Variants in PFKP observed in about 807,000 individuals in gnomAD.
PFKP encodes the protein phosphofructokinase, platelet.
PFKP carries 101 observed loss-of-function variants against 94.3 expected under a neutral mutation model. The observed-to-expected ratio is 1.07, with a 90% CI of 0.91 to 1.26. The LOEUF (loss-of-function observed/expected upper bound fraction) is 1.26. Among genes scored for constraint, PFKP ranks in the 50% most tolerant of loss-of-function variants. The pLI, the probability that PFKP is intolerant of heterozygous loss-of-function variation, is 0.00. For synonymous variants in PFKP, 573 were observed against 432.6 expected (o/e 1.32, Z -4.03); for missense variants, 1,145 against 1,103.3 (o/e 1.04, Z -0.53).
chr10:3,134,982 A>G (rs754522011), intron 20 of PFKP, among the ~76,000 whole-genome samples: 2 of 151,148 alleles, frequency 1.3e-5, no homozygotes, highest in Non-Finnish European at 2.9e-5. Context: ...CTGACTGCTG[A>G]ATGAATTGTT....
chr10:3,122,916 A>G (rs1837571246), intron 16 of PFKP, among the ~76,000 whole-genome samples: 1 of 152,216 alleles, frequency 6.6e-6, no homozygotes, highest in South Asian at 2.1e-4. Flanking sequence ...AACGTCCCTC[A>G]GAGCACAGGG....
chr10:3,100,912 T>A (rs765641794), intron 3 of PFKP: 1 of 1,580,660 alleles, frequency 6.3e-7, no homozygotes, highest in Admixed American at 1.7e-5. Flanking sequence ...CTGCTGGTTT[T>A]ACTTGCAGGT....
rs1836475910 is a variant in PFKP at position 3,113,531 on chromosome 10, G to A, written c.1371+13G>A. 1.9e-6 allele frequency: 3 copies of A among 1,609,592 alleles called. No individual in the cohort carries two copies. The highest frequency in any genetic ancestry group is 1.7e-6 in the Non-Finnish European group (2 of 1,179,474). On this transcript the variant is annotated intron_variant, in intron 13 of 21. Transcript: ENST00000381125. ...CGCCAAGGGCCAGGTGAGTCACCCA[G>A]GATGCCGTAGGCAGGCAGACACCCT...
At chr10:3,128,002 C>T (rs11251734) in intron 16 of PFKP, among the ~76,000 whole-genome samples, 56,039 of 146,612 alleles carry the variant, frequency 0.38, 11,082 homozygotes, top group Non-Finnish European at 0.47. Context: ...CACGTGGCTC[C>T]TAGTCTCAAG....
chr10:3,090,905 G>C lies in PFKP; in HGVS notation c.187-8370G>C, dbSNP rs186859305. ...CACCTATACTCTAGTTTCTAACCTA[G>C]AGCTCTCTGGGTTACCAACAGACCA... On this transcript the variant is annotated intron_variant, in intron 2 of 21. Coordinates refer to ENST00000381125, the MANE Select transcript of PFKP (RefSeq NM_002627.5). Among the ~76,000 whole-genome samples the C allele has an allele frequency of 5.3e-4, 80 of 152,014 alleles. 1 individual carries two copies. The East Asian group carries it at 0.011, about 22-fold the overall frequency.
intron 2 of PFKP, among the ~76,000 whole-genome samples, chr10:3,091,845 G>A (rs934033674): frequency 1.3e-5 from 2 of 152,168 alleles, no homozygotes; most frequent in African/African-American, 4.8e-5. Flanking sequence ...GTTTGGTTCT[G>A]CTCTAGACAG....
At position 3,136,630 on chromosome 10, in the gene PFKP, T is replaced by C. The variant is rs1170658624; in HGVS notation, c.*51T>C. The C allele has an allele frequency of 3.8e-6, 6 of 1,589,664 alleles. No individual in the cohort carries two copies. The highest frequency in any genetic ancestry group is 4.3e-6 in the Non-Finnish European group (5 of 1,162,800). ...AGCCACCGTGGACTGTCTGTTTTTG[T>C]AACACTTAAGTTATTTTATCAGCAC... On this transcript the variant is annotated 3_prime_UTR_variant, in exon 22 of 22. Transcript: ENST00000381125.
intron 14 of PFKP, among the ~76,000 whole-genome samples, chr10:3,118,243 T>C (rs879322741): frequency 6.6e-6 from 1 of 152,066 alleles, no homozygotes; most frequent in Middle Eastern, 3.2e-3. Context: ...CTGAGGCAGG[T>C]GGATCAGGAG....
At chr10:3,133,683 A>G (rs1291944584) in intron 19 of PFKP, among the ~76,000 whole-genome samples, 3 of 152,150 alleles carry the variant, frequency 2.0e-5, no homozygotes, top group Admixed American at 2.0e-4. Flanking sequence ...CACCCACCTC[A>G]GCCTCCCAAA....
At chr10:3,079,317 C>T (rs1832841253) in intron 1 of PFKP, among the ~76,000 whole-genome samples, 1 of 151,948 alleles carries the variant, frequency 6.6e-6, no homozygotes, top group East Asian at 1.9e-4. Flanking sequence ...TCACTGCAAG[C>T]TCCACCTCCC....
In PFKP at chr10:3,108,660, C is replaced by A. The variant is rs371753903; in HGVS notation, c.871-41C>A. The A allele has an allele frequency of 3.2e-5, 47 of 1,473,194 alleles. No homozygotes were observed. The South Asian group carries it at 5.3e-4, about 17-fold the overall frequency. The allele number at this position is 1,473,194 out of a possible 1,614,324, so 91.3% of individuals were successfully genotyped here. The stretch of plus-strand genomic sequence containing the variant: ...CCTTCCAGATCTGGGCTGCTGTGTC[C>A]GCATCACAGTTCCGCATCCTAACGA... On this transcript the variant is annotated intron_variant, in intron 8 of 21. Transcript: ENST00000381125.
At chr10:3,067,752 A>G in intron 1 of PFKP, 45 bp downstream of exon 1, 1 of 1,069,120 alleles carries the variant, frequency 9.4e-7, no homozygotes, top group Non-Finnish European at 1.3e-6. Flanking sequence ...GGACGGACGG[A>G]GCTGGGGAGA....
intron 7 of PFKP, 121 bp downstream of exon 7, chr10:3,105,622 A>G: frequency 2.8e-6 from 2 of 705,118 alleles, no homozygotes; most frequent in Non-Finnish European, 5.1e-6. Context: ...AGTTTGTCAC[A>G]CTTTGTATTT....
At chr10:3,113,598 C>T (rs4881089) in intron 13 of PFKP, 80 bp downstream of exon 13, 387,483 of 1,273,262 alleles carry the variant, frequency 0.3, 58,430 homozygotes, top group Admixed American at 0.36. Flanking sequence ...GGGTGCCCTC[C>T]ATGGCCCTCA....
intron 17 of PFKP, among the ~76,000 whole-genome samples, chr10:3,130,409 G>A (rs1223383353): frequency 2.0e-5 from 3 of 152,140 alleles, no homozygotes; most frequent in Non-Finnish European, 1.5e-5. Context: ...GTGGTTTCTC[G>A]GCATCTGTGG....
Position 3,136,671 on chromosome 10 carries a change from T to C in PFKP, c.*92T>C. On this transcript the variant is annotated 3_prime_UTR_variant, in exon 22 of 22. Coordinates refer to ENST00000381125, the MANE Select transcript of PFKP (RefSeq NM_002627.5). ...TTATCAGCACTTTATGCACGTATTATTGACATTAATACCTAATCGGCGAGT... is the reference window on the plus strand; with the variant it reads ...TTATCAGCACTTTATGCACGTATTACTGACATTAATACCTAATCGGCGAGT... 1.5e-6 allele frequency: 2 copies of C among 1,372,966 alleles called. No individual in the cohort carries two copies. The highest frequency in any genetic ancestry group is 2.0e-6 in the Non-Finnish European group (2 of 989,260). 85.0% of individuals were successfully genotyped at this position (1,372,966 alleles called of 1,614,324 possible).
intron 5 of PFKP, among the ~76,000 whole-genome samples, chr10:3,104,356 C>T (rs192248235): frequency 6.6e-6 from 1 of 152,216 alleles, no homozygotes. Flanking sequence ...AGCGTTTGAT[C>T]CGAGGTGCTC....
At chr10:3,093,810 A>G (rs1053128726) in intron 2 of PFKP, among the ~76,000 whole-genome samples, 2 of 151,824 alleles carry the variant, frequency 1.3e-5, no homozygotes, top group African/African-American at 4.8e-5. Flanking sequence ...CACCCGGCTA[A>G]TTTTTTGTAT....
chr10:3,104,903 C>T (rs1192207343), intron 5 of PFKP: 6 of 630,978 alleles, frequency 9.5e-6, no homozygotes, highest in South Asian at 5.6e-5. Flanking sequence ...AAGTCCCCTT[C>T]CTCGCAGGAG....
Sources: allele counts gnomAD v4.1 joint callset (sites outside exome capture counted in the v4.1 genomes callset), GRCh38; gene constraint gnomAD v4.1.1; transcripts MANE v1.5; gene names NCBI Gene and HGNC (gene_info 2026-07-23, HGNC 2026-07-21).